Variants in COL26A1 observed in about 807,000 individuals in gnomAD.
COL26A1 encodes the protein collagen type XXVI alpha 1 chain.
COL26A1 carries 41 observed loss-of-function variants against 59.3 expected under a neutral mutation model. The observed-to-expected ratio is 0.69, with a 90% confidence interval of 0.54 to 0.90. COL26A1 has a LOEUF of 0.90. Ranked by LOEUF, COL26A1 falls within the 40% of genes least tolerant of loss-of-function variation. The pLI, the probability that COL26A1 is intolerant of heterozygous loss-of-function variation, is 0.00. For missense variants in COL26A1, 612 were observed against 602.3 expected (o/e 1.02, Z -0.17); for synonymous variants, 266 against 256.0 (o/e 1.04, Z -0.37).
chr7:101,480,550 G>C (rs184048890), intron 3 of COL26A1, among the ~76,000 whole-genome samples: 1 of 152,166 alleles, frequency 6.6e-6, no homozygotes, highest in East Asian at 1.9e-4. Flanking sequence ...GCCTAGCCTG[G>C]AGTGTCATAG....
intron 3 of COL26A1, among the ~76,000 whole-genome samples, chr7:101,502,673 C>G (rs1794730260): frequency 6.6e-6 from 1 of 152,206 alleles, no homozygotes; most frequent in Non-Finnish European, 1.5e-5. Context: ...CCACTGCAGC[C>G]TGGGAGGGTG....
Position 101,363,204 on chromosome 7 carries a change from G to C in COL26A1, c.158+14G>C. The C allele has an allele frequency of 1.4e-6, 2 of 1,443,906 alleles. No homozygotes were observed. Among genetic ancestry groups the C allele is most frequent in the Non-Finnish European group, 1.8e-6 (2 of 1,099,692 alleles). The allele number at this position is 1,443,906 out of a possible 1,614,324, so 89.4% of individuals were successfully genotyped here. A position where few individuals can be genotyped will look rare whatever the true frequency, so the allele number is the denominator to read the frequency against. Reference sequence around the variant, plus strand: ...CGCGAGCCGCCGGTGAGTAGCTCGGGGCCGAGGGGCCGGGGGGTGGGGGGA... The same window carrying C: ...CGCGAGCCGCCGGTGAGTAGCTCGGCGCCGAGGGGCCGGGGGGTGGGGGGA... On this transcript the variant is annotated intron_variant, in intron 1 of 12. Coordinates refer to ENST00000313669, the MANE Select transcript of COL26A1 (RefSeq NM_001278563.3).
At chr7:101,494,939 G>A (rs552952819) in intron 3 of COL26A1, among the ~76,000 whole-genome samples, 58 of 152,306 alleles carry the variant, frequency 3.8e-4, no homozygotes, top group Non-Finnish European at 6.2e-4. Context: ...TATGGGGAGA[G>A]GGGCTGCCTT....
At chr7:101,524,734 C>T (rs776700218) in intron 3 of COL26A1, among the ~76,000 whole-genome samples, 6 of 152,062 alleles carry the variant, frequency 3.9e-5, no homozygotes, top group South Asian at 2.1e-4. Context: ...ATTTGCTTGT[C>T]GTAGGTAGGA....
At chr7:101,534,705 C>G (rs1795444819) in intron 4 of COL26A1, among the ~76,000 whole-genome samples, 1 of 152,124 alleles carries the variant, frequency 6.6e-6, no homozygotes, top group Non-Finnish European at 1.5e-5. Context: ...CATTAACACA[C>G]ACAGCCCTTG....
intron 3 of COL26A1, among the ~76,000 whole-genome samples, chr7:101,505,016 A>T (rs1011790422): frequency 2.0e-5 from 3 of 152,104 alleles, no homozygotes. Flanking sequence ...TTAGCCGGGT[A>T]TGGTGGCGAA....
At chr7:101,477,047 T>G (rs1794064936) in intron 3 of COL26A1, among the ~76,000 whole-genome samples, 2 of 151,986 alleles carry the variant, frequency 1.3e-5, no homozygotes, top group African/African-American at 4.8e-5. Context: ...TTTCACCATG[T>G]TGGCCAGGCT....
At chr7:101,428,124 A>G (rs1792690215) in intron 2 of COL26A1, among the ~76,000 whole-genome samples, 1 of 152,164 alleles carries the variant, frequency 6.6e-6, no homozygotes. Flanking sequence ...GGAGGTGTCA[A>G]CTTAAGCAAC....
intron 1 of COL26A1, among the ~76,000 whole-genome samples, chr7:101,399,408 C>G (rs1252390148): frequency 6.6e-6 from 1 of 152,162 alleles, no homozygotes; most frequent in African/African-American, 2.4e-5. Context: ...ACTGGAACCT[C>G]CATCTCCTGT....
At chr7:101,451,964 C>A (rs1793351665) in intron 3 of COL26A1, among the ~76,000 whole-genome samples, 1 of 152,126 alleles carries the variant, frequency 6.6e-6, no homozygotes, top group South Asian at 2.1e-4. Context: ...CCATCGGCGT[C>A]CCAAAGTGCT....
intron 5 of COL26A1, 38 bp downstream of exon 5, chr7:101,540,087 C>T (rs571542409): frequency 4.2e-5 from 66 of 1,578,278 alleles, no homozygotes; most frequent in East Asian, 4.1e-4. Flanking sequence ...CTGGGGCAGC[C>T]GAAGGGACCT....
chr7:101,410,425 TC>T (rs1388980288), intron 1 of COL26A1, among the ~76,000 whole-genome samples: 1 of 146,052 alleles, frequency 6.8e-6, no homozygotes, highest in African/African-American at 2.4e-5. Context: ...GGATCATTGT[TC>T]TTAAGAAAAG....
In COL26A1 at chr7:101,429,512, C is replaced by T. The variant is rs115650246; in HGVS notation, c.281+9413C>T. Among the ~76,000 whole-genome samples the T allele has an allele frequency of 3.7e-3, 555 of 150,670 alleles. 2 individuals carry two copies. The highest frequency in any genetic ancestry group is 0.012 in the African/African-American group (506 of 41,072). ...TGCCAATACCACACAGTCTTGATTA[C>T]TATGGCTATATAATAAGTTTTGAAA... is the stretch of plus-strand genomic sequence containing the variant. On this transcript the variant is annotated intron_variant, in intron 2 of 12. Transcript: ENST00000313669.
At chr7:101,386,646 G>A (rs947671708) in intron 1 of COL26A1, among the ~76,000 whole-genome samples, 1 of 152,114 alleles carries the variant, frequency 6.6e-6, no homozygotes, top group Non-Finnish European at 1.5e-5. Context: ...ATCCCTTATT[G>A]AATCAACGGC....
intron 11 of COL26A1, among the ~76,000 whole-genome samples, chr7:101,554,751 T>TA (rs1249203061): frequency 1.3e-5 from 2 of 151,496 alleles, no homozygotes; most frequent in African/African-American, 4.9e-5. Context: ...CTCTAAAACC[T>TA]AAAAAAACCC....
intron 3 of COL26A1, among the ~76,000 whole-genome samples, chr7:101,455,778 G>A (rs1200568189): frequency 1.3e-5 from 2 of 152,134 alleles, no homozygotes; most frequent in Non-Finnish European, 1.5e-5. Context: ...CGCCTCCTGG[G>A]TTCAAACCAT....
intron 1 of COL26A1, among the ~76,000 whole-genome samples, chr7:101,418,928 A>G (rs1792441432): frequency 6.6e-6 from 1 of 151,646 alleles, no homozygotes; most frequent in African/African-American, 2.4e-5. Flanking sequence ...CTAGCCCGGC[A>G]GGTCACATGT....
chr7:101,517,033 C>G (rs1411997888), intron 3 of COL26A1, among the ~76,000 whole-genome samples: 1 of 152,094 alleles, frequency 6.6e-6, no homozygotes, highest in Non-Finnish European at 1.5e-5. Context: ...GCAACTGCCT[C>G]CTGCCAGGAA....
intron 1 of COL26A1, among the ~76,000 whole-genome samples, chr7:101,393,186 T>C (rs1359805828): frequency 2.6e-5 from 4 of 151,958 alleles, no homozygotes; most frequent in African/African-American, 9.7e-5. Context: ...GTAATTTTAG[T>C]ACAGACAGGG....
Sources: allele counts gnomAD v4.1 joint callset (sites outside exome capture counted in the v4.1 genomes callset), GRCh38; gene constraint gnomAD v4.1.1; transcripts MANE v1.5; gene names NCBI Gene and HGNC (gene_info 2026-07-23, HGNC 2026-07-21).